Variants in SH3PXD2B observed in about 807,000 individuals in gnomAD.
SH3PXD2B encodes the protein SH3 and PX domains 2B.
A neutral mutation model predicts 73.1 loss-of-function variants in SH3PXD2B; 37 were observed. That is an observed-to-expected ratio of 0.51 (90% CI 0.39 to 0.67). The LOEUF (loss-of-function observed/expected upper bound fraction) is 0.67. Among genes scored for constraint, SH3PXD2B ranks in the 30% least tolerant of loss-of-function variants. SH3PXD2B has a pLI of 0.00. For missense variants in SH3PXD2B, 1,053 were observed against 1,197.8 expected, an observed-to-expected ratio of 0.88 and a Z score of 1.78; for synonymous variants, 457 against 480.5, an observed-to-expected ratio of 0.95 and a Z score of 0.64.
chr5:172,358,752 G>A (rs1241852859), intron 8 of SH3PXD2B, 21 bp downstream of exon 8: 1 of 1,600,598 alleles, frequency 6.2e-7, no homozygotes, highest in African/African-American at 1.3e-5. Flanking sequence ...CCAGTGAGCA[G>A]AGGCTCGAGC....
At chr5:172,343,058 G>A (rs1301248484) in intron 12 of SH3PXD2B, among the ~76,000 whole-genome samples, 3 of 152,238 alleles carry the variant, frequency 2.0e-5, no homozygotes, top group African/African-American at 7.2e-5. Flanking sequence ...AGCCGCAAGA[G>A]CTAATGCATA....
Position 172,414,157 on chromosome 5 carries a change from G to A in SH3PXD2B, c.157-7805C>T, listed in dbSNP as rs1186532434. ...AACTCCCAAGAGGGCCGAGGTGGAAGGACCAGGGTCTTAGAAGGAGACAGG... is the reference window on the plus strand; with the variant it reads ...AACTCCCAAGAGGGCCGAGGTGGAAAGACCAGGGTCTTAGAAGGAGACAGG... On this transcript the variant is annotated intron_variant, in intron 2 of 12. Transcript: ENST00000311601. Among the ~76,000 whole-genome samples, 4 of 152,202 alleles carry A rather than the reference G, an allele frequency of 2.6e-5. No homozygotes were observed. In the East Asian group the frequency reaches 5.8e-4, roughly 22 times the overall value.
chr5:172,432,088 G>C (rs866884478), intron 1 of SH3PXD2B, among the ~76,000 whole-genome samples: 1 of 152,152 alleles, frequency 6.6e-6, no homozygotes, highest in African/African-American at 2.4e-5. Context: ...CAGGAGAATC[G>C]CTTGAACCTG....
At chr5:172,346,387 T>G in intron 11 of SH3PXD2B, 126 bp from the exon 12 acceptor site, 1 of 1,447,398 alleles carries the variant, frequency 6.9e-7, no homozygotes, top group Middle Eastern at 1.8e-4. Context: ...CTAGTTGGAT[T>G]CTAAGGGACA....
intron 6 of SH3PXD2B, among the ~76,000 whole-genome samples, chr5:172,365,005 T>C (rs576190777): frequency 1.4e-4 from 21 of 152,216 alleles, no homozygotes; most frequent in African/African-American, 3.6e-4. Flanking sequence ...AATAGGGCAT[T>C]GTAGCTGGGT....
chr5:172,402,144 A>G (rs1323797818), intron 3 of SH3PXD2B, among the ~76,000 whole-genome samples: 1 of 152,036 alleles, frequency 6.6e-6, no homozygotes, highest in Non-Finnish European at 1.5e-5. Context: ...TCCTAGGGGG[A>G]GGTATCTGAA....
chr5:172,362,103 A>C (rs1218380947), intron 7 of SH3PXD2B, among the ~76,000 whole-genome samples: 2 of 152,230 alleles, frequency 1.3e-5, no homozygotes, highest in African/African-American at 4.8e-5. Flanking sequence ...TGTGCTAAGC[A>C]CAAGTTTAAG....
intron 1 of SH3PXD2B, among the ~76,000 whole-genome samples, chr5:172,443,729 G>A (rs1288774708): frequency 6.6e-6 from 1 of 152,270 alleles, no homozygotes; most frequent in Non-Finnish European, 1.5e-5. Flanking sequence ...TGAGGAGGAG[G>A]AAATGGTGAC....
intron 1 of SH3PXD2B, among the ~76,000 whole-genome samples, chr5:172,429,002 T>C (rs1019121897): frequency 2.0e-5 from 3 of 152,202 alleles, no homozygotes; most frequent in Non-Finnish European, 2.9e-5. Context: ...ACAAAGCCAA[T>C]GAACGCTTTA....
At position 172,337,097 on chromosome 5, in the gene SH3PXD2B, G is replaced by GA. The variant is rs1554133953; in HGVS notation, c.*1271dup. ...TTCCCCAGGGGGCAACAGCTTAGAA[G>GA]AGGGAACAGGGCTCTGTGTCAACCA... On this transcript the variant is annotated 3_prime_UTR_variant, in exon 13 of 13. Coordinates refer to ENST00000311601, the MANE Select transcript of SH3PXD2B (RefSeq NM_001017995.3). 3.0e-6 allele frequency: 3 copies of GA among 984,976 alleles called. No homozygotes were observed. The highest frequency in any genetic ancestry group is 3.6e-6 in the Non-Finnish European group (3 of 829,928). 61.0% of individuals were successfully genotyped at this position (984,976 alleles called of 1,614,324 possible).
Position 172,454,416 on chromosome 5 carries a change from T to G in SH3PXD2B, c.-64A>C. Reference sequence around the variant, plus strand: ...GGGTGGCGCGGGGTGCAGGGAGCGCTGGGGGCGCGCCGCCGCGGGCAGGGA... The same window carrying G: ...GGGTGGCGCGGGGTGCAGGGAGCGCGGGGGGCGCGCCGCCGCGGGCAGGGA... On this transcript the variant is annotated 5_prime_UTR_variant, in exon 1 of 13. Transcript: ENST00000311601. 9.4e-7 allele frequency: 1 copy of G among 1,064,648 alleles called. No homozygotes were observed. 66.0% of individuals were successfully genotyped at this position (1,064,648 alleles called of 1,614,324 possible).
At chr5:172,404,178 C>T (rs1446285699) in intron 3 of SH3PXD2B, among the ~76,000 whole-genome samples, 1 of 152,126 alleles carries the variant, frequency 6.6e-6, no homozygotes, top group Non-Finnish European at 1.5e-5. Context: ...GTCTCTAAAC[C>T]CATTCAGTGA....
intron 1 of SH3PXD2B, among the ~76,000 whole-genome samples, chr5:172,432,892 CAA>C (rs1387545544): frequency 8.9e-6 from 1 of 112,954 alleles, no homozygotes; most frequent in African/African-American, 3.8e-5. Context: ...GCCTGGTCAA[CAA>C]GAGTGAAACT....
intron 11 of SH3PXD2B, 75 bp downstream of exon 11, chr5:172,347,206 GGT>G: frequency 7.1e-7 from 1 of 1,403,710 alleles, no homozygotes; most frequent in Non-Finnish European, 1.0e-6. Context: ...AAGGGCGAGG[GGT>G]GTGTGAGGGG....
chr5:172,416,163 A>G (rs1758815084), intron 2 of SH3PXD2B, among the ~76,000 whole-genome samples: 1 of 152,116 alleles, frequency 6.6e-6, no homozygotes, highest in Admixed American at 6.5e-5. Context: ...CTCCGTCTCT[A>G]CAAAAATTTA....
At chr5:172,325,925 T>A (rs991544725) in intron 12 of SH3PXD2B, among the ~76,000 whole-genome samples, 8 of 152,226 alleles carry the variant, frequency 5.3e-5, no homozygotes, top group Non-Finnish European at 1.2e-4. Context: ...GTAGCTGGGA[T>A]TACAGGCATA....
intron 6 of SH3PXD2B, among the ~76,000 whole-genome samples, chr5:172,366,746 C>T (rs1236852563): frequency 6.6e-6 from 1 of 151,914 alleles, no homozygotes; most frequent in Non-Finnish European, 1.5e-5. Context: ...GATTCTCCTG[C>T]CTCAGCCTCC....
At chr5:172,404,872 G>C (rs907201779) in intron 3 of SH3PXD2B, among the ~76,000 whole-genome samples, 1 of 152,296 alleles carries the variant, frequency 6.6e-6, no homozygotes, top group East Asian at 1.9e-4. Flanking sequence ...ACAAATTTTG[G>C]AGCCAGCCAT....
chr5:172,361,187 G>A (rs2731706), intron 7 of SH3PXD2B, among the ~76,000 whole-genome samples: 58,743 of 151,884 alleles, frequency 0.39, 11,764 homozygotes, highest in East Asian at 0.65. Flanking sequence ...GAGTGTATAT[G>A]TTCACACGTA....
Sources: allele counts gnomAD v4.1 joint callset (sites outside exome capture counted in the v4.1 genomes callset), GRCh38; gene constraint gnomAD v4.1.1; transcripts MANE v1.5; gene names NCBI Gene and HGNC (gene_info 2026-07-23, HGNC 2026-07-21).